Variants in CDH18 observed in about 807,000 individuals in gnomAD.
CDH18 encodes cadherin-18.
Under a neutral mutation model 67.9 loss-of-function variants are expected in CDH18, and 31 were observed. The observed-to-expected ratio is 0.46, with a 90% CI of 0.34 to 0.62. The LOEUF is 0.62. Among genes scored for constraint, CDH18 ranks in the 20% least tolerant of loss-of-function variants. CDH18 has a pLI of 0.01. For synonymous variants in CDH18, 362 were observed against 347.2 expected (o/e 1.04, Z -0.48); for missense variants, 890 against 975.5 (o/e 0.91, Z 1.17).
intron 1 of CDH18, among the ~76,000 whole-genome samples, chr5:20,415,448 C>G (rs1422143986): frequency 6.6e-6 from 1 of 152,072 alleles, no homozygotes; most frequent in African/African-American, 2.4e-5. Flanking sequence ...GTAGTACATA[C>G]ATACAGTGGA....
intron 1 of CDH18, among the ~76,000 whole-genome samples, chr5:20,503,002 G>GA (rs5866431): frequency 0.48 from 72,332 of 151,624 alleles, 17,456 homozygotes; most frequent in East Asian, 0.56. Context: ...CCTGAACTTA[G>GA]AAAAAAAGGG....
chr5:19,864,896 G>A (rs1016978243), intron 2 of CDH18, among the ~76,000 whole-genome samples: 12 of 152,098 alleles, frequency 7.9e-5, no homozygotes, highest in African/African-American at 2.9e-4. Flanking sequence ...GATGTGCAAG[G>A]GACTGCACAA....
At chr5:20,248,471 A>G (rs1057427611) in intron 2 of CDH18, among the ~76,000 whole-genome samples, 1 of 152,196 alleles carries the variant, frequency 6.6e-6, no homozygotes, top group African/African-American at 2.4e-5. Context: ...TCTCCTTGCC[A>G]TGGACCTCTG....
intron 3 of CDH18, among the ~76,000 whole-genome samples, chr5:19,757,630 G>C (rs1771781444): frequency 6.6e-6 from 1 of 152,200 alleles, no homozygotes; most frequent in Non-Finnish European, 1.5e-5. Flanking sequence ...CTATTGGTGA[G>C]CACTCTCATG....
At chr5:20,365,067 T>C (rs186659218) in intron 1 of CDH18, among the ~76,000 whole-genome samples, 18 of 152,318 alleles carry the variant, frequency 1.2e-4, no homozygotes, top group African/African-American at 4.1e-4. Context: ...CTTGAGCTGC[T>C]ATCACAAAAT....
chr5:20,503,994 C>T (rs571934771), intron 1 of CDH18, among the ~76,000 whole-genome samples: 8 of 150,710 alleles, frequency 5.3e-5, no homozygotes, highest in South Asian at 2.1e-4. Context: ...GCCCAGATCA[C>T]GCCACTGCTC....
chr5:19,882,677 G>A (rs1018862307), intron 2 of CDH18, among the ~76,000 whole-genome samples: 3 of 152,064 alleles, frequency 2.0e-5, no homozygotes, highest in African/African-American at 7.2e-5. Flanking sequence ...TGTGCTAATT[G>A]TGATGTGAAT....
At chr5:19,754,968 T>C (rs1771334767) in intron 3 of CDH18, among the ~76,000 whole-genome samples, 2 of 152,094 alleles carry the variant, frequency 1.3e-5, no homozygotes, top group Non-Finnish European at 2.9e-5. Flanking sequence ...TGAACAACGA[T>C]AATGACAGAA....
At chr5:19,650,667 C>T (rs1446364617) in intron 5 of CDH18, among the ~76,000 whole-genome samples, 1 of 152,086 alleles carries the variant, frequency 6.6e-6, no homozygotes, top group East Asian at 1.9e-4. Context: ...GTACCATATA[C>T]CATACTGCCA....
At chr5:19,848,906 A>T (rs1783322118) in intron 2 of CDH18, among the ~76,000 whole-genome samples, 1 of 149,966 alleles carries the variant, frequency 6.7e-6, no homozygotes, top group African/African-American at 2.4e-5. Context: ...ATGTGTATAT[A>T]TACATTTTAT....
chr5:20,482,544 G>A (rs1405562037), intron 1 of CDH18, among the ~76,000 whole-genome samples: 3 of 151,984 alleles, frequency 2.0e-5, no homozygotes, highest in South Asian at 2.1e-4. Flanking sequence ...AGCAAATTGA[G>A]TTGAACAATA....
upstream of CDH18, among the ~76,000 whole-genome samples, chr5:19,992,754 G>GAA (rs11484023): frequency 2.6e-4 from 38 of 148,974 alleles, no homozygotes; most frequent in African/African-American, 8.8e-4. Context: ...ACTGGAAATA[G>GAA]AAAAAAAAAA....
At chr5:19,490,394 G>GTGTTTT (rs1741227055) in intron 11 of CDH18, among the ~76,000 whole-genome samples, 3 of 60,210 alleles carry the variant, frequency 5.0e-5, no homozygotes, top group Non-Finnish European at 9.0e-5. Context: ...ATAAAAATCT[G>GTGTTTT]TTTTTTTTTT....
chr5:19,985,717 G>C (rs1206229696), intron 1 of CDH18, among the ~76,000 whole-genome samples: 1 of 151,718 alleles, frequency 6.6e-6, no homozygotes, highest in Non-Finnish European at 1.5e-5. Context: ...AAGCACATGA[G>C]GGCCTAAAGT....
chr5:20,127,995 G>A (rs1748969184), intron 2 of CDH18, among the ~76,000 whole-genome samples: 1 of 152,070 alleles, frequency 6.6e-6, no homozygotes, highest in Admixed American at 6.5e-5. Flanking sequence ...GTGGATAAGG[G>A]ATAGCCTTGC....
intron 5 of CDH18, among the ~76,000 whole-genome samples, chr5:19,665,884 TAAC>T (rs1385156890): frequency 1.3e-5 from 2 of 150,842 alleles, no homozygotes; most frequent in African/African-American, 5.0e-5. Flanking sequence ...TGAGATATTG[TAAC>T]ACAGAATATG....
intron 1 of CDH18, among the ~76,000 whole-genome samples, chr5:20,536,206 G>A (rs977353645): frequency 1.3e-5 from 2 of 152,042 alleles, no homozygotes; most frequent in African/African-American, 2.4e-5. Context: ...ATAACCAATT[G>A]ATCAGTTGGA....
chr5:19,964,733 GA>G (rs11381373), intron 2 of CDH18, among the ~76,000 whole-genome samples: 1 of 151,080 alleles, frequency 6.6e-6, no homozygotes, highest in Non-Finnish European at 1.5e-5. Flanking sequence ...TTTAGAACCT[GA>G]AAAAATTTAC....
At chr5:19,976,639 G>C (rs567520737) in intron 2 of CDH18, among the ~76,000 whole-genome samples, 1 of 152,086 alleles carries the variant, frequency 6.6e-6, no homozygotes, top group African/African-American at 2.4e-5. Flanking sequence ...GGAGGGGATT[G>C]GGAGGATTAG....
Sources: allele counts gnomAD v4.1 joint callset (sites outside exome capture counted in the v4.1 genomes callset), GRCh38; gene constraint gnomAD v4.1.1; transcripts MANE v1.5; gene names NCBI Gene and HGNC (gene_info 2026-07-23, HGNC 2026-07-21).